The following ARRB1 variants were observed in gnomAD, a reference collection of about 807,000 sequenced individuals.
The protein encoded by ARRB1 is arrestin beta 1, also known as beta-arrestin-1.
ARRB1 carries 21 observed loss-of-function variants against 56.8 expected under a neutral mutation model. The ratio of observed to expected loss-of-function variants is 0.37; its 90% CI spans 0.26 to 0.53. The LOEUF is 0.53. Among genes scored for constraint, ARRB1 ranks in the 20% least tolerant of loss-of-function variants. ARRB1 has a pLI of 0.88. For missense variants in ARRB1, 424 were observed against 553.7 expected (o/e 0.77, Z 2.35); for synonymous variants, 210 against 218.6 (o/e 0.96, Z 0.35).
At chr11:75,289,216 T>TCTCAGC (rs1159829344) in intron 2 of ARRB1, among the ~76,000 whole-genome samples, 1 of 152,162 alleles carries the variant, frequency 6.6e-6, no homozygotes, top group Non-Finnish European at 1.5e-5. Context: ...CCCTGCAGCC[T>TCTCAGC]CTCAGCCTCA....
chr11:75,273,499 A>G (rs1946118016), intron 11 of ARRB1, among the ~76,000 whole-genome samples: 1 of 152,168 alleles, frequency 6.6e-6, no homozygotes, highest in Admixed American at 6.5e-5. Context: ...GGGCTGCTGA[A>G]GAGAGCTGAG....
intron 6 of ARRB1, chr11:75,281,487 G>A: frequency 2.7e-6 from 1 of 366,058 alleles, no homozygotes; most frequent in Non-Finnish European, 5.0e-6. Context: ...TGCACACCCG[G>A]CCCTGGGTGG....
intron 1 of ARRB1, among the ~76,000 whole-genome samples, chr11:75,302,918 G>A (rs879603029): frequency 7.2e-5 from 11 of 152,162 alleles, no homozygotes; most frequent in Non-Finnish European, 1.2e-4. Context: ...CTGGGACAGG[G>A]AAATGTTTAA....
intron 1 of ARRB1, among the ~76,000 whole-genome samples, chr11:75,334,761 G>A (rs1166360929): frequency 1.3e-5 from 2 of 152,176 alleles, no homozygotes; most frequent in Non-Finnish European, 2.9e-5. Flanking sequence ...TGCCTTTCAG[G>A]TGTTGCTTCT....
rs770803825 is a variant in ARRB1, at chr11:75,277,415, C to T, written c.652G>A (p.Val218Ile). Residue 218 changes from valine to isoleucine, a missense_variant, in exon 9 of 16, where the codon GTC becomes ATC. Around this residue, in one of 3 missense-constraint regions of ARRB1, gnomAD observed 301 missense variants for 387.9 expected, o/e 0.78. Transcript: ENST00000420843. Reference sequence around the variant, plus strand: ...TTGTTGGTGTTGTTGGTGACGTGGACGTTGACGCTGATGGGTTCTCCATGG... The same window carrying T: ...TTGTTGGTGTTGTTGGTGACGTGGATGTTGACGCTGATGGGTTCTCCATGG... ...YYHGEPISVN[V>I]HVTNNTNKTV... The T allele has an allele frequency of 2.7e-5, 44 of 1,614,080 alleles. No individual in the cohort carries two copies. The highest frequency in any genetic ancestry group is 8.9e-5 in the East Asian group (4 of 44,894).
In ARRB1 at chr11:75,271,739, G is replaced by A; in HGVS notation, c.999-15C>T. ...CTCCCAACAGGCTGGGTGGGTCAGAGGAGGCAGGAGAAGTGGTCAGGAGAG... is the reference window on the plus strand; with the variant it reads ...CTCCCAACAGGCTGGGTGGGTCAGAAGAGGCAGGAGAAGTGGTCAGGAGAG... On this transcript the variant is annotated splice_polypyrimidine_tract_variant and intron_variant, in intron 12 of 15. Transcript: ENST00000420843. 6.4e-7 allele frequency: 1 copy of A among 1,570,832 alleles called. No homozygotes were observed. The highest frequency in any genetic ancestry group is 8.6e-7 in the Non-Finnish European group (1 of 1,157,700).
intron 14 of ARRB1, among the ~76,000 whole-genome samples, chr11:75,268,166 G>T: frequency 6.6e-6 from 1 of 152,138 alleles, no homozygotes; most frequent in East Asian, 1.9e-4. Context: ...TCTCTCCACT[G>T]AAAGTCTCAG....
chr11:75,325,569 T>C (rs563253522), intron 1 of ARRB1, among the ~76,000 whole-genome samples: 14 of 152,306 alleles, frequency 9.2e-5, no homozygotes, highest in African/African-American at 3.1e-4. Flanking sequence ...GTGATCTACC[T>C]GCCTCAGCCT....
intron 7 of ARRB1, among the ~76,000 whole-genome samples, chr11:75,279,260 C>T (rs983754913): frequency 1.3e-5 from 2 of 152,124 alleles, no homozygotes; most frequent in African/African-American, 4.8e-5. Context: ...GAGGGGACAG[C>T]GGTCTCAAGA....
chr11:75,350,868 CG>C (rs1189346172), intron 1 of ARRB1, among the ~76,000 whole-genome samples: 2 of 152,148 alleles, frequency 1.3e-5, no homozygotes, highest in Non-Finnish European at 2.9e-5. Flanking sequence ...TGTGTGTCAG[CG>C]GGCCTTGGGC....
In ARRB1 at chr11:75,261,996, A is replaced by T. The variant is rs1217813330; in HGVS notation, c.*4167T>A. Reference sequence around the variant, plus strand: ...GCAGGAGAGAAGCTGCCGCTCTGGGATGCTGACGCCACTGCATCCGCTGTG... The same window carrying T: ...GCAGGAGAGAAGCTGCCGCTCTGGGTTGCTGACGCCACTGCATCCGCTGTG... On this transcript the variant is annotated 3_prime_UTR_variant, in exon 16 of 16. Coordinates refer to ENST00000420843, the MANE Select transcript of ARRB1 (RefSeq NM_004041.5). 1 of 152,202 alleles carries T rather than the reference A, an allele frequency of 6.6e-6. No individual in the cohort carries two copies. Among genetic ancestry groups the T allele is most frequent in the Non-Finnish European group, 1.5e-5 (1 of 68,036 alleles). The allele number at this position is 152,202 out of a possible 1,614,324, so 9.4% of individuals were successfully genotyped here. A position where few individuals can be genotyped will look rare whatever the true frequency, so the allele number is the denominator to read the frequency against.
chr11:75,333,475 G>A (rs548870613), intron 1 of ARRB1, among the ~76,000 whole-genome samples: 1 of 152,302 alleles, frequency 6.6e-6, no homozygotes, highest in South Asian at 2.1e-4. Context: ...CCACCACGGA[G>A]CCCACACCCA....
intron 1 of ARRB1, among the ~76,000 whole-genome samples, chr11:75,318,062 C>A (rs2508622): frequency 0.73 from 110,462 of 150,974 alleles, 40,430 homozygotes; most frequent in East Asian, 0.86. Context: ...ACTGGAAGGG[C>A]TTGTTAAAAA....
At position 75,318,927 on chromosome 11, in the gene ARRB1, T is replaced by C. The variant is rs375485808; in HGVS notation, c.21-28888A>G. Among the ~76,000 whole-genome samples, 47 of 152,198 alleles carry C rather than the reference T, an allele frequency of 3.1e-4. 1 individual carries two copies. In the East Asian group the frequency reaches 8.5e-3, roughly 27 times the overall value. On this transcript the variant is annotated intron_variant, in intron 1 of 15. Transcript: ENST00000420843. Reference sequence around the variant, plus strand: ...CCCTACTAAGAAGGAGAGGAGCACATGGGAGTAGGGGCAGAAGGAAAGGAG... The same window carrying C: ...CCCTACTAAGAAGGAGAGGAGCACACGGGAGTAGGGGCAGAAGGAAAGGAG...
chr11:75,312,518 G>A (rs1649469148), intron 1 of ARRB1, among the ~76,000 whole-genome samples: 1 of 152,242 alleles, frequency 6.6e-6, no homozygotes, highest in Non-Finnish European at 1.5e-5. Context: ...TCTGCAAGGT[G>A]TGTGTGGTAG....
intron 1 of ARRB1, among the ~76,000 whole-genome samples, chr11:75,347,889 C>T (rs888545087): frequency 8.5e-5 from 13 of 152,204 alleles, no homozygotes; most frequent in African/African-American, 3.1e-4. Context: ...TTTCTCAACT[C>T]TATCCTCTCT....
chr11:75,340,930 T>G (rs912568622), intron 1 of ARRB1, among the ~76,000 whole-genome samples: 2 of 152,182 alleles, frequency 1.3e-5, no homozygotes, highest in African/African-American at 4.8e-5. Context: ...ACACTGCTGC[T>G]GCTGGCCCTG....
intron 1 of ARRB1, among the ~76,000 whole-genome samples, chr11:75,330,356 C>A (rs1007294848): frequency 2.0e-5 from 3 of 152,186 alleles, no homozygotes; most frequent in African/African-American, 7.2e-5. Flanking sequence ...AAAGCTGTTT[C>A]TCCCCACCCC....
In ARRB1 at chr11:75,283,330, A is replaced by T; in HGVS notation, c.311T>A (p.Leu104His). Residue 104 changes from leucine to histidine, a missense_variant, in exon 5 of 16, where the codon CTC becomes CAC. Leu to His is a moderately conservative substitution (Grantham distance 99). Coordinates refer to ENST00000420843, the MANE Select transcript of ARRB1 (RefSeq NM_004041.5). The part of the protein sequence containing the change: ...KKPLTRLQER[L>H]IKKLGEHAYP... ...AGCGTGCTCGCCCAGCTTCTTGATG[A>T]GGCGTTCCTGCAGCCGCGTCAGGGG... 6.2e-7 allele frequency: 1 copy of T among 1,613,634 alleles called. No individual in the cohort carries two copies. The highest frequency in any genetic ancestry group is 8.5e-7 in the Non-Finnish European group (1 of 1,179,732).
Sources: gnomAD v4.1 joint callset for allele counts (sites outside exome capture counted in the v4.1 genomes callset) on GRCh38, gnomAD v4.1.1 for gene constraint, gnomAD v4.1.1 regional missense constraint, MANE v1.5 for transcripts, NCBI Gene and HGNC (gene_info 2026-07-23, HGNC 2026-07-21) for gene names.